Variants in PPARD observed in about 807,000 individuals in gnomAD.
The protein encoded by PPARD is peroxisome proliferator-activated receptor delta.
Under a neutral mutation model 39.5 loss-of-function variants are expected in PPARD, and 6 were observed. That is an observed-to-expected ratio of 0.15 (90% CI 0.08 to 0.30). The LOEUF is 0.30. PPARD is among the 10% of genes least tolerant of loss of function. The pLI, the probability that PPARD is intolerant of heterozygous loss-of-function variation, is 1.00. For missense variants in PPARD, 397 were observed against 596.8 expected (o/e 0.67, Z 3.49); for synonymous variants, 210 against 231.3 (o/e 0.91, Z 0.83).
At chr6:35,405,355 G>T (rs920709423) in intron 2 of PPARD, among the ~76,000 whole-genome samples, 6 of 152,178 alleles carry the variant, frequency 3.9e-5, no homozygotes, top group African/African-American at 1.4e-4. Context: ...CCCCATGCAA[G>T]AAATTATTTT....
chr6:35,375,216 T>TG (rs1762743497), intron 2 of PPARD, among the ~76,000 whole-genome samples: 1 of 131,770 alleles, frequency 7.6e-6, no homozygotes, highest in South Asian at 2.6e-4. Context: ...CGAGTTTTTT[T>TG]TTTTTTTTTT....
At chr6:35,351,767 G>A (rs1413052639) in intron 2 of PPARD, among the ~76,000 whole-genome samples, 1 of 151,400 alleles carries the variant, frequency 6.6e-6, no homozygotes, top group African/African-American at 2.4e-5. Context: ...TTGCTACATC[G>A]ACCAGGCTGG....
At position 35,401,230 on chromosome 6, in the gene PPARD, C is replaced by T. The variant is rs573649957; in HGVS notation, c.-101-9757C>T. Reference sequence around the variant, plus strand: ...CTCAACTCCTCAGCCTGAGTCTTCCCAGGAACACAACAGGCAGCTGCTTCC... The same window carrying T: ...CTCAACTCCTCAGCCTGAGTCTTCCTAGGAACACAACAGGCAGCTGCTTCC... On this transcript the variant is annotated intron_variant, in intron 2 of 7. Transcript: ENST00000360694. This position sits in a 1 kb window ranked among gnomAD's most constrained non-coding sequence, Gnocchi z 4.1. 6.6e-6 allele frequency among the ~76,000 whole-genome samples: 1 copy of T among 152,268 alleles called. No homozygotes were observed. Among genetic ancestry groups the T allele is most frequent in the East Asian group, 1.9e-4 (1 of 5,174 alleles).
At position 35,366,056 on chromosome 6, in the gene PPARD, G is replaced by C. The variant is rs1762198060; in HGVS notation, c.-102+18906G>C. ...AGCAGGCTGAGATGTTGTAGGAAGG[G>C]CAAATATGACTGAAGAAAAGAACAA... On this transcript the variant is annotated intron_variant, in intron 2 of 7. Coordinates refer to ENST00000360694, the MANE Select transcript of PPARD (RefSeq NM_006238.5). The surrounding 1 kb of genome is among the most constrained non-coding windows in gnomAD (Gnocchi z 4.6). Among the ~76,000 whole-genome samples, 1 of 151,774 alleles carries C rather than the reference G, an allele frequency of 6.6e-6. No individual in the cohort carries two copies. Among genetic ancestry groups the C allele is most frequent in the African/African-American group, 2.4e-5 (1 of 41,020 alleles).
At chr6:35,352,387 T>C (rs1430924686) in intron 2 of PPARD, among the ~76,000 whole-genome samples, 1 of 151,830 alleles carries the variant, frequency 6.6e-6, no homozygotes, top group Non-Finnish European at 1.5e-5. Flanking sequence ...GGTTTCACCA[T>C]ATTGGTCAGG....
chr6:35,423,375 A>T (rs1156752500), intron 5 of PPARD, among the ~76,000 whole-genome samples: 1 of 152,030 alleles, frequency 6.6e-6, no homozygotes, highest in Non-Finnish European at 1.5e-5. Flanking sequence ...CTAAAAAAAA[A>T]ATACAAAAAT....
intron 2 of PPARD, among the ~76,000 whole-genome samples, chr6:35,374,312 G>A (rs1581567965): frequency 7.5e-6 from 1 of 133,078 alleles, no homozygotes; most frequent in African/African-American, 3.6e-5. Context: ...CGGCGGTGGG[G>A]CGGGGGGGTT....
intron 2 of PPARD, among the ~76,000 whole-genome samples, chr6:35,357,861 G>C (rs190364180): frequency 6.6e-6 from 1 of 152,222 alleles, no homozygotes; most frequent in African/African-American, 2.4e-5. Context: ...ATAGCAAGCA[G>C]TTACAGTTAA....
At chr6:35,411,560 G>A (rs1443435974) in intron 3 of PPARD, among the ~76,000 whole-genome samples, 2 of 152,282 alleles carry the variant, frequency 1.3e-5, no homozygotes, top group East Asian at 3.9e-4. Flanking sequence ...AGGCATCTGA[G>A]ACCAATCTCC....
In PPARD at chr6:35,416,401, A is replaced by C. The variant is rs971190031; in HGVS notation, c.131-3726A>C. Reference sequence around the variant, plus strand: ...AAAAAAAAAAAAAAAAAAAAAAAAAAAAAAAAAAACACCTTCTTAGCACAT... The same window carrying C: ...AAAAAAAAAAAAAAAAAAAAAAAAACAAAAAAAAACACCTTCTTAGCACAT... On this transcript the variant is annotated intron_variant, in intron 3 of 7. Coordinates refer to ENST00000360694, the MANE Select transcript of PPARD (RefSeq NM_006238.5). Among the ~76,000 whole-genome samples, 1,349 of 150,390 alleles carry C rather than the reference A, an allele frequency of 9.0e-3. 34 individuals carry two copies. The highest frequency in any genetic ancestry group is 0.022 in the African/African-American group (909 of 40,994).
intron 2 of PPARD, among the ~76,000 whole-genome samples, chr6:35,399,128 C>T (rs999071755): frequency 5.9e-5 from 9 of 151,602 alleles, no homozygotes; most frequent in African/African-American, 2.2e-4. Flanking sequence ...AAAGGCCGGG[C>T]GTAGTGGCTC....
chr6:35,415,786 G>A (rs1032095157), intron 3 of PPARD, among the ~76,000 whole-genome samples: 3 of 151,908 alleles, frequency 2.0e-5, no homozygotes, highest in Admixed American at 2.0e-4. Context: ...ACCTGTGTGT[G>A]TGTGTGTGTG....
chr6:35,415,483 G>A (rs923198259), intron 3 of PPARD, among the ~76,000 whole-genome samples: 16 of 152,226 alleles, frequency 1.1e-4, no homozygotes, highest in African/African-American at 3.9e-4. Flanking sequence ...GGTCAATAGT[G>A]TCTATTTGCT....
intron 2 of PPARD, among the ~76,000 whole-genome samples, chr6:35,404,193 C>A (rs916991295): frequency 6.6e-6 from 1 of 152,202 alleles, no homozygotes; most frequent in Non-Finnish European, 1.5e-5. Flanking sequence ...CTTGAGCCAA[C>A]CTGCCTTGAC....
In PPARD at chr6:35,426,061, C is replaced by A. The variant is rs1766553674; in HGVS notation, c.1308C>A (p.Ile436=). The change falls in exon 8 of 8, where the codon ATC becomes ATA. Residue 436 remains isoleucine (I), a synonymous_variant. Transcript: ENST00000360694. ...CGCTGCACCCTCTGCTCCAGGAGAT[C>A]TACAAGGACATGTACTAACGGCGGC... is the stretch of plus-strand genomic sequence containing the variant. The part of the protein sequence containing the change: ...ETSLHPLLQE[I]YKDMY 6.2e-7 allele frequency: 1 copy of A among 1,613,038 alleles called. No individual in the cohort carries two copies. The highest frequency in any genetic ancestry group is 8.5e-7 in the Non-Finnish European group (1 of 1,180,014).
At chr6:35,420,039 G>C in intron 3 of PPARD, 88 bp from the exon 4 acceptor site, 1 of 1,479,300 alleles carries the variant, frequency 6.8e-7, no homozygotes, top group Non-Finnish European at 9.1e-7. Context: ...CTGTTAAGTG[G>C]CTGAGGCGAG....
intron 2 of PPARD, among the ~76,000 whole-genome samples, chr6:35,402,342 G>A (rs567832576): frequency 3.9e-5 from 6 of 152,222 alleles, no homozygotes; most frequent in Non-Finnish European, 8.8e-5. Flanking sequence ...GTCTTCAGTG[G>A]CTGCGGTCAG....
At chr6:35,370,307 G>A (rs1318181775) in intron 2 of PPARD, among the ~76,000 whole-genome samples, 1 of 152,154 alleles carries the variant, frequency 6.6e-6, no homozygotes, top group Non-Finnish European at 1.5e-5. Flanking sequence ...CCTTAGAAAG[G>A]CTGCATCGTG....
intron 2 of PPARD, chr6:35,397,506 A>G (rs1764417274): frequency 1.0e-6 from 1 of 983,748 alleles, no homozygotes; most frequent in African/African-American, 1.7e-5. Context: ...AGGGTCTGGA[A>G]TGGTCTGGAG....
Sources: allele counts gnomAD v4.1 joint callset (sites outside exome capture counted in the v4.1 genomes callset), GRCh38; gene constraint gnomAD v4.1.1; non-coding constraint Gnocchi (gnomAD v3.1); transcripts MANE v1.5; gene names NCBI Gene and HGNC (gene_info 2026-07-23, HGNC 2026-07-21).